The following SPAG9 variants were observed in gnomAD, a reference collection of about 807,000 sequenced individuals.
SPAG9 encodes the protein sperm associated antigen 9.
In SPAG9, 35 loss-of-function variants were observed where a neutral mutation model predicts 166.5. The ratio of observed to expected loss-of-function variants is 0.21; its 90% confidence interval spans 0.16 to 0.28. The LOEUF (loss-of-function observed/expected upper bound fraction) is 0.28. Among genes scored for constraint, SPAG9 ranks in the 10% least tolerant of loss-of-function variants. SPAG9 has a pLI of 1.00. For synonymous variants in SPAG9, 534 were observed against 565.5 expected (o/e 0.94, Z 0.79); for missense variants, 1,235 against 1,603.3 (o/e 0.77, Z 3.92).
At chr17:51,053,856 T>TAAAA (rs1568044940) in intron 3 of SPAG9, among the ~76,000 whole-genome samples, 2 of 15,444 alleles carry the variant, frequency 1.3e-4, no homozygotes, top group Non-Finnish European at 2.1e-4. Context: ...AAAAAAAAAG[T>TAAAA]ATATATATAT....
intron 4 of SPAG9, chr17:51,046,573 CAG>C (rs1457479033): frequency 1.3e-6 from 2 of 1,536,146 alleles, no homozygotes; most frequent in East Asian, 2.4e-5. Flanking sequence ...AGCAGCAAAA[CAG>C]AGAGAGATAC....
Position 51,077,053 on chromosome 17 carries a change from G to T in SPAG9, c.424+2531C>A, listed in dbSNP as rs531996730. On this transcript the variant is annotated intron_variant, in intron 2 of 29. Transcript: ENST00000262013. ...ATCTATCTAGCTATCTAGCTATCTA[G>T]CTAGCTATCTAGCTAGCTATCTAGC... 6.1e-4 allele frequency among the ~76,000 whole-genome samples: 69 copies of T among 113,220 alleles called. 1 individual carries two copies. The highest frequency in any genetic ancestry group is 1.5e-3 in the Admixed American group (18 of 11,936). The allele number at this position is 113,220 out of a possible 152,430, so 74.3% of individuals were successfully genotyped here.
chr17:51,070,715 A>C (rs2047799295), intron 2 of SPAG9, among the ~76,000 whole-genome samples: 1 of 152,210 alleles, frequency 6.6e-6, no homozygotes, highest in Admixed American at 6.5e-5. Context: ...AAAACAATTT[A>C]AATATGCCAA....
In SPAG9 at chr17:51,041,600, T is replaced by C; in HGVS notation, c.642A>G (p.Gly214=). Residue 214 remains glycine (G), a synonymous_variant, in exon 5 of 30, where the codon GGA becomes GGG. Transcript: ENST00000262013. ...LGIFPLPAGD[G]LLTPDAQKGG... is the part of the protein sequence containing the mutation. ...CTTTCTGAGCATCAGGTGTAAGCAA[T>C]CCATCTCCAGCAGGTAATGGGAAAA... is the stretch of plus-strand genomic sequence containing the variant. 1.9e-6 allele frequency: 3 copies of C among 1,613,880 alleles called. No homozygotes were observed. The highest frequency in any genetic ancestry group is 1.1e-5 in the South Asian group (1 of 91,078).
Position 50,962,658 on chromosome 17 carries a change from C to T in SPAG9, c.*3614G>A, listed in dbSNP as rs368430498. ...TAAATCTGGTTGAGTCCTTTGGTAACGGTCATAATACTCACAAGGAAATAA... is the reference window on the plus strand; with the variant it reads ...TAAATCTGGTTGAGTCCTTTGGTAATGGTCATAATACTCACAAGGAAATAA... On this transcript the variant is annotated 3_prime_UTR_variant, in exon 30 of 30. Transcript: ENST00000262013. The T allele has an allele frequency of 3.5e-4, 53 of 152,290 alleles. 1 individual carries two copies. The South Asian group carries it at 8.3e-3, about 24-fold the overall frequency. 9.4% of individuals were successfully genotyped at this position (152,290 alleles called of 1,614,324 possible). A position where few individuals can be genotyped will look rare whatever the true frequency, so the allele number is the denominator to read the frequency against.
At position 50,977,232 on chromosome 17, in the gene SPAG9, A is replaced by G; in HGVS notation, c.3410-11T>C. ...CCAGTTTTCCAGTACCTGTAAAGAA[A>G]GGAGGGAACACGTTATTGAGAAACT... On this transcript the variant is annotated splice_polypyrimidine_tract_variant and intron_variant, in intron 26 of 29. Coordinates refer to ENST00000262013, the MANE Select transcript of SPAG9 (RefSeq NM_001130528.3). 6.7e-7 allele frequency: 1 copy of G among 1,501,084 alleles called. No individual in the cohort carries two copies. The highest frequency in any genetic ancestry group is 9.3e-7 in the Non-Finnish European group (1 of 1,077,636). 93.0% of individuals were successfully genotyped at this position (1,501,084 alleles called of 1,614,324 possible). A position where few individuals can be genotyped will look rare whatever the true frequency, so the allele number is the denominator to read the frequency against.
chr17:51,096,038 G>GATATATATATATATAGTGAT (rs377753534), intron 1 of SPAG9, among the ~76,000 whole-genome samples: 2 of 92,616 alleles, frequency 2.2e-5, no homozygotes, highest in South Asian at 3.0e-4. Flanking sequence ...TATATATAGT[G>GATATATATATATATAGTGAT]ATATATATAT....
rs564473245 is a variant in SPAG9 at position 51,053,385 on chromosome 17, T to A, written c.495+3027A>T. On this transcript the variant is annotated intron_variant, in intron 3 of 29. Transcript: ENST00000262013. ...CAAAAAATAAAAATGAAATAAACATTTTAAAAATTGGCGTGCACTGGCCAG... is the reference window on the plus strand; with the variant it reads ...CAAAAAATAAAAATGAAATAAACATATTAAAAATTGGCGTGCACTGGCCAG... Among the ~76,000 whole-genome samples, 22 of 151,570 alleles carry A rather than the reference T, an allele frequency of 1.5e-4. 1 individual carries two copies. Among genetic ancestry groups the A allele is most frequent in the African/African-American group, 4.6e-4 (19 of 41,364 alleles).
chr17:50,985,699 C>T lies in SPAG9; in HGVS notation c.3019G>A (p.Val1007Ile). The change falls in exon 23 of 30, where the codon GTA (valine) becomes ATA (isoleucine). Residue 1007 changes from valine to isoleucine, a missense_variant and splice_region_variant. Coordinates refer to ENST00000262013, the MANE Select transcript of SPAG9 (RefSeq NM_001130528.3). ...IKLKDSILSI[V>I]HVKGIVLVAL... ...AAGAATTTCCAAAATAAAACTTACA[C>T]AATACTGAGAATCGAATCTTTAAGT... 1.3e-5 allele frequency: 20 copies of T among 1,571,508 alleles called. No individual in the cohort carries two copies. Among genetic ancestry groups the T allele is most frequent in the Non-Finnish European group, 1.7e-5 (20 of 1,144,194 alleles).
intron 1 of SPAG9, among the ~76,000 whole-genome samples, chr17:51,095,705 T>TATATAGTGATATATAC (rs767831815): frequency 1.1e-4 from 16 of 147,964 alleles, no homozygotes; most frequent in Admixed American, 3.4e-4. Context: ...TATAGTGATA[T>TATATAGTGATATATAC]ATATAGTGAT....
intron 1 of SPAG9, among the ~76,000 whole-genome samples, chr17:51,097,590 T>C (rs1403340327): frequency 1.3e-5 from 2 of 152,040 alleles, no homozygotes; most frequent in Admixed American, 6.6e-5. Context: ...TATATATACA[T>C]GGCAGGTTGG....
intron 6 of SPAG9, among the ~76,000 whole-genome samples, chr17:51,027,946 A>G (rs1292582775): frequency 1.3e-5 from 2 of 152,166 alleles, no homozygotes; most frequent in Non-Finnish European, 2.9e-5. Context: ...TGCTCCTGAA[A>G]ACTTTCCAGT....
At chr17:51,038,898 C>A (rs1447643156) in intron 5 of SPAG9, among the ~76,000 whole-genome samples, 1 of 152,110 alleles carries the variant, frequency 6.6e-6, no homozygotes, top group African/African-American at 2.4e-5. Context: ...ACAAATATTT[C>A]TTTTTAAGAA....
intron 25 of SPAG9, 144 bp from the exon 26 acceptor site, chr17:50,980,061 AT>A (rs1396373917): frequency 5.6e-6 from 4 of 720,668 alleles, no homozygotes; most frequent in Non-Finnish European, 2.2e-6. Flanking sequence ...TATATACACA[AT>A]TGTTTTCATC....
At chr17:50,990,816 A>G in intron 19 of SPAG9, 148 bp from the exon 20 acceptor site, 2 of 613,366 alleles carry the variant, frequency 3.3e-6, no homozygotes, top group Admixed American at 5.9e-5. Flanking sequence ...ACATAAACAA[A>G]TCTTCACAAT....
intron 3 of SPAG9, among the ~76,000 whole-genome samples, chr17:51,054,681 C>A (rs147583259): frequency 6.6e-6 from 1 of 150,576 alleles, no homozygotes; most frequent in African/African-American, 2.4e-5. Context: ...CATGATCCAC[C>A]CACCTCGGCC....
chr17:51,079,219 T>C (rs1251671930), intron 2 of SPAG9, among the ~76,000 whole-genome samples: 1 of 145,526 alleles, frequency 6.9e-6, no homozygotes, highest in African/African-American at 2.5e-5. Flanking sequence ...ATTGCACCAT[T>C]AGAGCCAATT....
intron 3 of SPAG9, among the ~76,000 whole-genome samples, chr17:51,049,050 A>G (rs1323680578): frequency 2.0e-5 from 3 of 152,210 alleles, no homozygotes. Context: ...TGTCAGGCTT[A>G]ATCAATCTCA....
At chr17:51,117,961 C>T (rs1412903093) in intron 1 of SPAG9, among the ~76,000 whole-genome samples, 1 of 151,564 alleles carries the variant, frequency 6.6e-6, no homozygotes, top group African/African-American at 2.4e-5. Flanking sequence ...AGGTGAAACC[C>T]CGTCTCTACT....
Sources: gnomAD v4.1 joint callset for allele counts (sites outside exome capture counted in the v4.1 genomes callset) on GRCh38, gnomAD v4.1.1 for gene constraint, MANE v1.5 for transcripts, NCBI Gene and HGNC (gene_info 2026-07-23, HGNC 2026-07-21) for gene names.